Variants in TEKT4 observed in about 807,000 individuals in gnomAD.
The protein encoded by TEKT4 is tektin-4.
Under a neutral mutation model 46.0 loss-of-function variants are expected in TEKT4, and 46 were observed. The observed-to-expected ratio is 1.00, with a 90% CI of 0.79 to 1.28. The LOEUF is 1.28. TEKT4 is among the 50% of genes most tolerant of loss of function. The pLI, the probability that TEKT4 is intolerant of heterozygous loss-of-function variation, is 0.00. For missense variants in TEKT4, 790 were observed against 622.9 expected (o/e 1.27, Z -2.85); for synonymous variants, 325 against 265.8 (o/e 1.22, Z -2.17).
intron 1 of TEKT4, 25 bp from the exon 2 acceptor site, chr2:94,873,495 G>A (rs374836355): frequency 7.4e-6 from 12 of 1,611,956 alleles, no homozygotes; most frequent in Middle Eastern, 2.2e-4. Flanking sequence ...ACTGGCTCTG[G>A]TGCTCAGGGC....
intron 1 of TEKT4, chr2:94,873,053 G>A (rs1325886832): frequency 2.3e-6 from 3 of 1,280,232 alleles, no homozygotes; most frequent in Admixed American, 4.7e-5. Context: ...AAATTAAACT[G>A]GCCAGGCAAT....
intron 3 of TEKT4, among the ~76,000 whole-genome samples, chr2:94,874,469 C>T (rs1306732181): frequency 2.0e-5 from 2 of 102,444 alleles, no homozygotes; most frequent in East Asian, 3.0e-4. Context: ...AGGGGGGCTG[C>T]GGGGGCCGGA....
intron 1 of TEKT4, chr2:94,873,154 G>T (rs113253585): frequency 8.1e-7 from 1 of 1,231,698 alleles, no homozygotes; most frequent in East Asian, 5.1e-5. Flanking sequence ...GCGGGCATCT[G>T]GGCCCCCAGA....
chr2:94,874,300 G>C (rs1195650184), intron 3 of TEKT4, among the ~76,000 whole-genome samples, 192 bp downstream of exon 3: 5 of 152,318 alleles, frequency 3.3e-5, no homozygotes, highest in African/African-American at 1.2e-4. Flanking sequence ...TGCACAGCCT[G>C]GCTGCCGGCA....
intron 2 of TEKT4, 67 bp from the exon 3 acceptor site, chr2:94,873,898 A>G (rs781956366): frequency 4.5e-5 from 71 of 1,594,554 alleles, no homozygotes; most frequent in Non-Finnish European, 5.8e-5. Context: ...CCCAGCCTGC[A>G]GCACAGAGGG....
chr2:94,871,448 C>T lies in TEKT4; in HGVS notation c.-132C>T, dbSNP rs1427911503. The stretch of plus-strand genomic sequence containing the variant: ...AGCTCTTGGTTTACACAGTGTCACC[C>T]AAGCGACTGGGAGCCGCGTCCTGCT... On this transcript the variant is annotated 5_prime_UTR_variant, in exon 1 of 6. Coordinates refer to ENST00000295201, the MANE Select transcript of TEKT4 (RefSeq NM_144705.4). 14 of 1,194,302 alleles carry T rather than the reference C, an allele frequency of 1.2e-5. No homozygotes were observed. Among genetic ancestry groups the T allele is most frequent in the Non-Finnish European group, 1.5e-5 (13 of 879,524 alleles). 74.0% of individuals were successfully genotyped at this position (1,194,302 alleles called of 1,614,324 possible).
intron 1 of TEKT4, 34 bp from the exon 2 acceptor site, chr2:94,873,486 C>A (rs1313756097): frequency 6.2e-7 from 1 of 1,611,720 alleles, no homozygotes; most frequent in Non-Finnish European, 8.5e-7. Flanking sequence ...TCACCAGGGA[C>A]TGGCTCTGGT....
chr2:94,872,097 G>A lies in TEKT4; in HGVS notation c.498+20G>A. ...CTGAAGGTGCCAGCACCCTTGGGTG[G>A]CCGGGATTTGTGGGCGCAGAGAGGA... is the stretch of plus-strand genomic sequence containing the variant. On this transcript the variant is annotated intron_variant, in intron 1 of 5. Transcript: ENST00000295201. The A allele has an allele frequency of 3.3e-6, 5 of 1,518,612 alleles. No homozygotes were observed. Among genetic ancestry groups the A allele is most frequent in the Non-Finnish European group, 4.4e-6 (5 of 1,133,686 alleles). The allele number at this position is 1,518,612 out of a possible 1,614,324, so 94.1% of individuals were successfully genotyped here. A position where few individuals can be genotyped will look rare whatever the true frequency, so the allele number is the denominator to read the frequency against.
chr2:94,872,514 T>G, intron 1 of TEKT4: 1 of 313,358 alleles, frequency 3.2e-6, no homozygotes, highest in Admixed American at 4.0e-5. Context: ...CACAAAGATC[T>G]GCACCCACAG....
Position 94,871,879 on chromosome 2 carries a change from C to A in TEKT4, c.300C>A (p.Ser100Arg). Residue 100 changes from serine to arginine, a missense_variant, in exon 1 of 6, where the codon AGC becomes AGA. By Grantham distance (110) the Ser-to-Arg change is moderately radical. Transcript: ENST00000295201. ...GCGAGCGACTGCAGGACACGCACAG[C>A]TGGAAGTCGGAGCTGCAGCGTGAGA... ...TVGERLQDTH[S>R]WKSELQREME... The A allele has an allele frequency of 1.3e-6, 2 of 1,598,070 alleles. No individual in the cohort carries two copies. The highest frequency in any genetic ancestry group is 1.7e-6 in the Non-Finnish European group (2 of 1,175,554).
rs1553396287 is a variant in TEKT4 at position 94,875,652 on chromosome 2, A to C, written c.1001A>C (p.Lys334Thr). The change falls in exon 5 of 6, where the codon AAA becomes ACA. Residue 334 changes from lysine to threonine, a missense_variant. Coordinates refer to ENST00000295201, the MANE Select transcript of TEKT4 (RefSeq NM_144705.4). Reference sequence around the variant, plus strand: ...GCACTGAAGCAGGCCATCAAGGACAAAGAGGCACCTCTGCACGTAGCCCAG... The same window carrying C: ...GCACTGAAGCAGGCCATCAAGGACACAGAGGCACCTCTGCACGTAGCCCAG... ...VAALKQAIKD[K>T]EAPLHVAQTR... The C allele has an allele frequency of 6.2e-7, 1 of 1,614,182 alleles. No individual in the cohort carries two copies.
chr2:94,871,558 G>A lies in TEKT4; in HGVS notation c.-22G>A. ...ACCACACACAGTCCTCACTCCCCTGGCCCTGGTGGGCGGCAGGCACCATGG... is the reference window on the plus strand; with the variant it reads ...ACCACACACAGTCCTCACTCCCCTGACCCTGGTGGGCGGCAGGCACCATGG... On this transcript the variant is annotated 5_prime_UTR_variant, in exon 1 of 6. Coordinates refer to ENST00000295201, the MANE Select transcript of TEKT4 (RefSeq NM_144705.4). 1 of 1,574,796 alleles carries A rather than the reference G, an allele frequency of 6.4e-7. No individual in the cohort carries two copies. Among genetic ancestry groups the A allele is most frequent in the Middle Eastern group, 1.7e-4 (1 of 5,784 alleles).
At position 94,872,497 on chromosome 2, in the gene TEKT4, C is replaced by G. The variant is rs1680622821; in HGVS notation, c.498+420C>G. 2.2e-5 allele frequency: 7 copies of G among 320,054 alleles called. No individual in the cohort carries two copies. In the South Asian group the frequency reaches 2.2e-4, roughly 10 times the overall value. 19.8% of individuals were successfully genotyped at this position (320,054 alleles called of 1,614,324 possible). On this transcript the variant is annotated intron_variant, in intron 1 of 5. Transcript: ENST00000295201. ...CTGCTCCCATTCATCCTATACAGAG[C>G]CGGGGACACAAAGATCTGCACCCAC...
In TEKT4 at chr2:94,874,965, C is replaced by T. The variant is rs781985102; in HGVS notation, c.903C>T (p.Asp301=). 30 of 1,609,936 alleles carry T rather than the reference C, an allele frequency of 1.9e-5. No homozygotes were observed. The highest frequency in any genetic ancestry group is 1.0e-4 in the South Asian group (9 of 90,260). ...GGCGCCGCTGTGAGGAGCTGGAGGA[C>T]GCGCGGTACAAGCTGCATCACCACC... The part of the protein sequence containing the change: ...AFGRRCEELE[D]ARYKLHHHLH... Residue 301 remains aspartate (D), a synonymous_variant, in exon 4 of 6, where the codon GAC becomes GAT. Transcript: ENST00000295201.
Position 94,871,720 on chromosome 2 carries a change from C to T in TEKT4, c.141C>T (p.Asn47=). 1 of 1,612,632 alleles carries T rather than the reference C, an allele frequency of 6.2e-7. No homozygotes were observed. Among genetic ancestry groups the T allele is most frequent in the Non-Finnish European group, 8.5e-7 (1 of 1,179,918 alleles). Residue 47 remains asparagine, a synonymous_variant, in exon 1 of 6, where the codon AAC becomes AAT. Transcript: ENST00000295201. ...ACCTGCTGGAGGAGTGGTTCCAGAACTGCTATGCTCGCTACCACCAGGCCT... is the reference window on the plus strand; with the variant it reads ...ACCTGCTGGAGGAGTGGTTCCAGAATTGCTATGCTCGCTACCACCAGGCCT... ...SKYLLEEWFQ[N]CYARYHQAFA...
intron 2 of TEKT4, 62 bp downstream of exon 2, chr2:94,873,652 G>A (rs1193588321): frequency 6.9e-6 from 11 of 1,597,866 alleles, no homozygotes; most frequent in Admixed American, 1.7e-5. Flanking sequence ...CCTGGGGCAA[G>A]GCATTGAACG....
At chr2:94,872,486 C>T in intron 1 of TEKT4, 1 of 333,798 alleles carries the variant, frequency 3.0e-6, no homozygotes, top group Non-Finnish European at 5.8e-6. Context: ...TCCCATTCAT[C>T]CTATACAGAG....
At chr2:94,875,497 C>T (rs566692080) in intron 4 of TEKT4, 91 bp from the exon 5 acceptor site, 3 of 1,571,858 alleles carry the variant, frequency 1.9e-6, no homozygotes, top group South Asian at 1.2e-5. Context: ...CTGGACACAG[C>T]CCCAAGACCT....
At chr2:94,872,133 C>CCA in intron 1 of TEKT4, 56 bp downstream of exon 1, 10 of 1,476,142 alleles carry the variant, frequency 6.8e-6, no homozygotes, top group Non-Finnish European at 5.4e-6. Context: ...GGAGCCCCCC[C>CCA]CCCCGCAGTT....
Sources: allele counts gnomAD v4.1 joint callset (sites outside exome capture counted in the v4.1 genomes callset), GRCh38; gene constraint gnomAD v4.1.1; transcripts MANE v1.5; gene names NCBI Gene and HGNC (gene_info 2026-07-23, HGNC 2026-07-21).